DOCK2: variants seen among roughly 807,000 people sequenced by gnomAD.
The protein encoded by DOCK2 is dedicator of cytokinesis 2, also known as dedicator of cytokinesis protein 2.
DOCK2 carries 87 observed loss-of-function variants against 248.9 expected under a neutral mutation model. That is an observed-to-expected ratio of 0.35 (90% CI 0.29 to 0.42). The LOEUF is 0.42. DOCK2 is among the 10% of genes least tolerant of loss of function. DOCK2 has a pLI of 1.00. For missense variants in DOCK2, 1,747 were observed against 2,300.2 expected (o/e 0.76, Z 4.92); for synonymous variants, 805 against 821.6 (o/e 0.98, Z 0.35).
chr5:169,942,880 G>A (rs1004832925), intron 27 of DOCK2, among the ~76,000 whole-genome samples: 10 of 152,212 alleles, frequency 6.6e-5, no homozygotes, highest in African/African-American at 2.4e-4. Flanking sequence ...TCTGAACTCA[G>A]ATTTTCTTAC....
At chr5:169,893,573 C>T (rs1773421132) in intron 27 of DOCK2, among the ~76,000 whole-genome samples, 1 of 150,716 alleles carries the variant, frequency 6.6e-6, no homozygotes, top group African/African-American at 2.4e-5. Context: ...CCTGCTCAAA[C>T]AGATAGAAGA....
chr5:169,662,862 C>T (rs1235483507), intron 2 of DOCK2, among the ~76,000 whole-genome samples: 1 of 152,150 alleles, frequency 6.6e-6, no homozygotes, highest in Non-Finnish European at 1.5e-5. Flanking sequence ...TCCCCTGGCC[C>T]TTCCCAAATC....
At chr5:169,693,231 C>T (rs893472938) in intron 9 of DOCK2, among the ~76,000 whole-genome samples, 3 of 152,058 alleles carry the variant, frequency 2.0e-5, no homozygotes, top group Non-Finnish European at 4.4e-5. Context: ...GAGGAAGAGG[C>T]AAGCATTGGA....
chr5:169,980,786 A>G (rs1777913896), intron 27 of DOCK2: 1 of 152,178 alleles, frequency 6.6e-6, no homozygotes, highest in South Asian at 2.1e-4. Flanking sequence ...AATTTCACAC[A>G]CTCACTACCA....
At chr5:169,670,635 GCTCATGGATGT>G (rs1162506134) in intron 4 of DOCK2, 38 bp downstream of exon 4, 9 of 1,609,438 alleles carry the variant, frequency 5.6e-6, no homozygotes, top group Non-Finnish European at 7.6e-6. Context: ...GCCTCCAGTG[GCTCATGGATGT>G]CTCTGTCCTG....
At chr5:169,942,651 A>C (rs1012259463) in intron 27 of DOCK2, among the ~76,000 whole-genome samples, 31 of 152,206 alleles carry the variant, frequency 2.0e-4, no homozygotes, top group Admixed American at 1.5e-3. Flanking sequence ...TTGAGGATGC[A>C]GGGCGGTCTG....
intron 41 of DOCK2, among the ~76,000 whole-genome samples, chr5:170,052,242 C>T (rs1471713654): frequency 6.6e-6 from 1 of 152,224 alleles, no homozygotes; most frequent in Non-Finnish European, 1.5e-5. Context: ...CGTACCTGCT[C>T]TACCATGGTT....
At chr5:169,645,788 C>G (rs1364246902) in intron 1 of DOCK2, among the ~76,000 whole-genome samples, 2 of 152,078 alleles carry the variant, frequency 1.3e-5, no homozygotes, top group African/African-American at 4.8e-5. Context: ...CACTCTGTCT[C>G]CCTGGCTGGA....
chr5:169,691,023 CT>C (rs1760265488), intron 9 of DOCK2, among the ~76,000 whole-genome samples: 1 of 152,152 alleles, frequency 6.6e-6, no homozygotes, highest in Non-Finnish European at 1.5e-5. Context: ...CTTTAATTGG[CT>C]CATGGTTCTT....
At chr5:169,883,434 C>G in intron 27 of DOCK2, 1 of 1,551,700 alleles carries the variant, frequency 6.4e-7, no homozygotes, top group Non-Finnish European at 8.7e-7. Flanking sequence ...CCTCAAGATG[C>G]TGAGCCAACC....
intron 8 of DOCK2, among the ~76,000 whole-genome samples, chr5:169,686,365 T>C (rs1296176041): frequency 6.6e-6 from 1 of 152,152 alleles, no homozygotes; most frequent in Non-Finnish European, 1.5e-5. Flanking sequence ...ATCAGCGAGG[T>C]GGCAGCTGTG....
chr5:169,983,055 T>A lies in DOCK2; in HGVS notation c.2800-13T>A. ...TCTCAACTATTTATAGTATTTGTCT[T>A]CATTTCTTGCAGAGTCACTTTGTGG... On this transcript the variant is annotated splice_polypyrimidine_tract_variant and intron_variant, in intron 27 of 51. Transcript: ENST00000520908. The A allele has an allele frequency of 1.2e-6, 2 of 1,613,858 alleles. No homozygotes were observed. The highest frequency in any genetic ancestry group is 3.3e-5 in the Admixed American group (2 of 60,008).
rs926676744 is a variant in DOCK2, at chr5:169,718,093, C to T, written c.2133-564C>T. Among the ~76,000 whole-genome samples, 9 of 151,770 alleles carry T rather than the reference C, an allele frequency of 5.9e-5. No homozygotes were observed. In the East Asian group the frequency reaches 9.7e-4, roughly 16 times the overall value. ...ACAAAACAAAACAAAACAAAAACAG[C>T]GGGGGAGCTACACAGAAGAAAGTGC... On this transcript the variant is annotated intron_variant, in intron 21 of 51. Transcript: ENST00000520908.
chr5:169,726,116 C>G (rs1367658857), intron 22 of DOCK2, among the ~76,000 whole-genome samples: 1 of 152,116 alleles, frequency 6.6e-6, no homozygotes, highest in African/African-American at 2.4e-5. Flanking sequence ...AATTTACACT[C>G]CCACCAAGAG....
At chr5:169,840,436 C>A (rs921843855) in intron 26 of DOCK2, among the ~76,000 whole-genome samples, 2 of 152,160 alleles carry the variant, frequency 1.3e-5, no homozygotes, top group Admixed American at 6.5e-5. Flanking sequence ...ATAACTTAAC[C>A]AATGCAGTAC....
intron 6 of DOCK2, among the ~76,000 whole-genome samples, chr5:169,678,020 A>G (rs1759433659): frequency 1.3e-5 from 2 of 152,202 alleles, no homozygotes; most frequent in South Asian, 4.1e-4. Context: ...TAGATGATCC[A>G]TCTTGAGGCA....
intron 27 of DOCK2, among the ~76,000 whole-genome samples, chr5:169,909,871 A>C (rs1774497488): frequency 6.6e-6 from 1 of 152,202 alleles, no homozygotes; most frequent in Non-Finnish European, 1.5e-5. Flanking sequence ...CTTTATGGTG[A>C]ATATCACTGA....
In DOCK2 at chr5:169,996,130, A is replaced by G. The variant is rs752094355; in HGVS notation, c.3038A>G (p.Gln1013Arg). The G allele has an allele frequency of 1.2e-6, 2 of 1,614,028 alleles. No homozygotes were observed. Among genetic ancestry groups the G allele is most frequent in the South Asian group, 1.1e-5 (1 of 91,080 alleles). Reference sequence around the variant, plus strand: ...AACAAGTTTGCAGAAACCATGAACCAGAAGTTCCTAGAACACACGAACTTT... The same window carrying G: ...AACAAGTTTGCAGAAACCATGAACCGGAAGTTCCTAGAACACACGAACTTT... ...AINKFAETMNQKFLEHTNFEF... is the reference protein window; with the variant it reads ...AINKFAETMNRKFLEHTNFEF... The change falls in exon 30 of 52, where the codon CAG (glutamine) becomes CGG (arginine). Residue 1013 changes from glutamine to arginine, a missense_variant. By Grantham distance (43) the Gln-to-Arg change is conservative. Transcript: ENST00000520908.
At chr5:169,834,065 C>T in intron 26 of DOCK2, among the ~76,000 whole-genome samples, 1 of 149,636 alleles carries the variant, frequency 6.7e-6, no homozygotes, top group African/African-American at 2.5e-5. Context: ...AATGTCCCAA[C>T]CAGATCACCC....
Sources: allele counts gnomAD v4.1 joint callset (sites outside exome capture counted in the v4.1 genomes callset), GRCh38; gene constraint gnomAD v4.1.1; transcripts MANE v1.5; gene names NCBI Gene and HGNC (gene_info 2026-07-23, HGNC 2026-07-21).